Variants in PTPRK observed in about 807,000 individuals in gnomAD.
The protein encoded by PTPRK is receptor-type tyrosine-protein phosphatase kappa.
In PTPRK, 75 loss-of-function variants were observed where a neutral mutation model predicts 178.0. The observed-to-expected ratio is 0.42, with a 90% confidence interval of 0.35 to 0.51. The LOEUF is 0.51. Ranked by LOEUF, PTPRK falls within the 20% of genes least tolerant of loss-of-function variation. The pLI, the probability that PTPRK is intolerant of heterozygous loss-of-function variation, is 0.02. For synonymous variants in PTPRK, 637 were observed against 620.6 expected (o/e 1.03, Z -0.39); for missense variants, 1,441 against 1,797.8 (o/e 0.80, Z 3.59).
chr6:128,162,886 AGTT>A (rs1420616054), intron 7 of PTPRK, among the ~76,000 whole-genome samples: 4 of 151,578 alleles, frequency 2.6e-5, no homozygotes, highest in African/African-American at 9.7e-5. Context: ...ACACTGTGCC[AGTT>A]GTTACTCTTA....
At chr6:128,313,173 C>T (rs1316684393) in intron 3 of PTPRK, among the ~76,000 whole-genome samples, 1 of 151,972 alleles carries the variant, frequency 6.6e-6, no homozygotes, top group African/African-American at 2.4e-5. Flanking sequence ...GAAACAAGAC[C>T]TAAAGCAAGT....
intron 13 of PTPRK, among the ~76,000 whole-genome samples, chr6:128,024,226 T>C (rs17245411): frequency 0.031 from 4,665 of 152,232 alleles, 114 homozygotes; most frequent in Middle Eastern, 0.068. Flanking sequence ...TCTGTAAACA[T>C]CTGGACAAAT....
intron 2 of PTPRK, among the ~76,000 whole-genome samples, chr6:128,328,079 A>C (rs2128324099): frequency 6.6e-6 from 1 of 152,332 alleles, no homozygotes; most frequent in Middle Eastern, 3.4e-3. Flanking sequence ...TGTCTGCTAC[A>C]TGCACACAGC....
intron 1 of PTPRK, among the ~76,000 whole-genome samples, chr6:128,408,604 CA>C (rs1311260425): frequency 1.3e-5 from 2 of 152,092 alleles, no homozygotes; most frequent in Admixed American, 6.5e-5. Flanking sequence ...TTTCATTTAC[CA>C]AAGTTGTTAA....
intron 7 of PTPRK, among the ~76,000 whole-genome samples, chr6:128,155,549 A>G (rs1415041407): frequency 6.6e-6 from 1 of 151,594 alleles, no homozygotes; most frequent in Non-Finnish European, 1.5e-5. Flanking sequence ...TATCAATTTT[A>G]TAATCTATAG....
At chr6:128,011,375 C>A (rs1237533964) in intron 13 of PTPRK, among the ~76,000 whole-genome samples, 1 of 151,128 alleles carries the variant, frequency 6.6e-6, no homozygotes, top group African/African-American at 2.4e-5. Context: ...TCTGAAAATT[C>A]TCTGGAAGAG....
intron 7 of PTPRK, among the ~76,000 whole-genome samples, chr6:128,090,652 G>A (rs1056915860): frequency 6.6e-6 from 1 of 152,114 alleles, no homozygotes; most frequent in Non-Finnish European, 1.5e-5. Flanking sequence ...ACCAAACTGG[G>A]AGGTGAATTT....
intron 1 of PTPRK, among the ~76,000 whole-genome samples, chr6:128,411,094 T>TA (rs1842263457): frequency 1.3e-5 from 2 of 152,128 alleles, no homozygotes; most frequent in Non-Finnish European, 2.9e-5. Flanking sequence ...GGTGCTGCCA[T>TA]GCTGCCCAGG....
intron 7 of PTPRK, among the ~76,000 whole-genome samples, chr6:128,149,009 C>T (rs576091787): frequency 4.6e-5 from 7 of 151,984 alleles, no homozygotes; most frequent in East Asian, 3.9e-4. Context: ...AATTCATTGA[C>T]GATATCTTAC....
At chr6:128,358,475 G>C (rs964240809) in intron 2 of PTPRK, among the ~76,000 whole-genome samples, 12 of 152,228 alleles carry the variant, frequency 7.9e-5, no homozygotes, top group Non-Finnish European at 1.6e-4. Context: ...AATTTTAATA[G>C]ATGAGGTCAT....
chr6:128,084,648 G>A (rs1193724568), intron 8 of PTPRK, among the ~76,000 whole-genome samples: 1 of 152,180 alleles, frequency 6.6e-6, no homozygotes, highest in Non-Finnish European at 1.5e-5. Flanking sequence ...AACACTGAAT[G>A]ATGCACCAGC....
At chr6:128,366,464 C>A (rs185383454) in intron 2 of PTPRK, among the ~76,000 whole-genome samples, 1 of 152,116 alleles carries the variant, frequency 6.6e-6, no homozygotes, top group East Asian at 1.9e-4. Flanking sequence ...CTTATACTAA[C>A]AAAAACATCT....
rs115662001 is a variant in PTPRK at position 128,124,403 on chromosome 6, C to T, written c.1163-34411G>A. On this transcript the variant is annotated intron_variant, in intron 7 of 29. Coordinates refer to ENST00000368226, the MANE Select transcript of PTPRK (RefSeq NM_002844.4). ...TTAGTCCTTAATCATATAAACATAT[C>T]TGTTTAACACATTAGATATTACATA... Among the ~76,000 whole-genome samples the T allele has an allele frequency of 2.2e-3, 337 of 152,226 alleles. 1 individual carries two copies. The highest frequency in any genetic ancestry group is 7.8e-3 in the African/African-American group (326 of 41,540).
intron 7 of PTPRK, among the ~76,000 whole-genome samples, chr6:128,125,581 T>TAC (rs1165980555): frequency 6.7e-6 from 1 of 148,896 alleles, no homozygotes; most frequent in Non-Finnish European, 1.5e-5. Context: ...AACAGACTAA[T>TAC]ACACTTGCCT....
intron 7 of PTPRK, among the ~76,000 whole-genome samples, chr6:128,175,320 C>A (rs543993642): frequency 6.6e-6 from 1 of 151,704 alleles, no homozygotes; most frequent in Non-Finnish European, 1.5e-5. Context: ...GTCAGTAAAG[C>A]GCATTGATAT....
intron 13 of PTPRK, chr6:128,062,183 G>T: frequency 6.3e-6 from 1 of 158,246 alleles, no homozygotes. Flanking sequence ...AACAAATGTG[G>T]TAGTTTTTCT....
intron 1 of PTPRK, among the ~76,000 whole-genome samples, chr6:128,482,922 G>A (rs1247584628): frequency 6.6e-6 from 1 of 152,094 alleles, no homozygotes; most frequent in Admixed American, 6.6e-5. Flanking sequence ...GGAACCAGGT[G>A]GTATCCTGCT....
intron 1 of PTPRK, among the ~76,000 whole-genome samples, chr6:128,466,018 T>C (rs1849802343): frequency 6.6e-6 from 1 of 152,164 alleles, no homozygotes; most frequent in African/African-American, 2.4e-5. Context: ...AAACCCCAAG[T>C]GTGGACCCTC....
intron 2 of PTPRK, among the ~76,000 whole-genome samples, chr6:128,351,524 T>C (rs1833132041): frequency 6.6e-6 from 1 of 152,174 alleles, no homozygotes; most frequent in African/African-American, 2.4e-5. Context: ...GTAAATTGAT[T>C]AAATGAATGT....
Sources: allele counts gnomAD v4.1 joint callset (sites outside exome capture counted in the v4.1 genomes callset), GRCh38; gene constraint gnomAD v4.1.1; transcripts MANE v1.5; gene names NCBI Gene and HGNC (gene_info 2026-07-23, HGNC 2026-07-21).